Variants in ADRA1A observed in about 807,000 individuals in gnomAD.
ADRA1A encodes the protein adrenoceptor alpha 1A.
In ADRA1A, 31 loss-of-function variants were observed where a neutral mutation model predicts 29.6. The ratio of observed to expected loss-of-function variants is 1.05; its 90% CI spans 0.79 to 1.41. ADRA1A has a LOEUF of 1.41. Among genes scored for constraint, ADRA1A ranks in the 40% most tolerant of loss-of-function variants. The pLI is 0.00. For missense variants in ADRA1A, 619 were observed against 601.1 expected (o/e 1.03, Z -0.31); for synonymous variants, 311 against 254.3 (o/e 1.22, Z -2.12).
chr8:26,811,519 C>G (rs1173388070), intron 2 of ADRA1A, among the ~76,000 whole-genome samples: 3 of 152,202 alleles, frequency 2.0e-5, no homozygotes, highest in African/African-American at 7.2e-5. Flanking sequence ...TAAAGACAAA[C>G]TGGTATTTAC....
At chr8:26,811,076 TAGA>T (rs1809347544) in intron 2 of ADRA1A, among the ~76,000 whole-genome samples, 1 of 152,220 alleles carries the variant, frequency 6.6e-6, no homozygotes, top group Non-Finnish European at 1.5e-5. Flanking sequence ...CTAGCAAACA[TAGA>T]TGAACCTTGG....
chr8:26,817,596 T>G (rs1433688646), intron 2 of ADRA1A, among the ~76,000 whole-genome samples: 1 of 151,962 alleles, frequency 6.6e-6, no homozygotes, highest in Non-Finnish European at 1.5e-5. Flanking sequence ...CTGGGAAACA[T>G]GAAAAATGCT....
chr8:26,857,815 C>T (rs901830781), intron 2 of ADRA1A, among the ~76,000 whole-genome samples: 4 of 152,180 alleles, frequency 2.6e-5, no homozygotes, highest in Admixed American at 6.5e-5. Context: ...CTTGGGCATC[C>T]GCAGAGGGTT....
intron 2 of ADRA1A, among the ~76,000 whole-genome samples, chr8:26,862,740 A>G (rs1813576886): frequency 6.6e-6 from 1 of 152,254 alleles, no homozygotes; most frequent in Admixed American, 6.5e-5. Context: ...GAAATGACCT[A>G]TATCTCTGCT....
intron 2 of ADRA1A, among the ~76,000 whole-genome samples, chr8:26,814,598 G>C (rs1809639134): frequency 6.6e-6 from 1 of 152,054 alleles, no homozygotes; most frequent in Non-Finnish European, 1.5e-5. Context: ...TTTTACTTCT[G>C]TTAAATAATT....
intron 2 of ADRA1A, among the ~76,000 whole-genome samples, chr8:26,842,907 A>ACACC (rs1491148653): frequency 5.8e-5 from 8 of 137,832 alleles, no homozygotes; most frequent in Admixed American, 1.4e-4. Context: ...ACACACACAC[A>ACACC]CCACTCAAGG....
intron 2 of ADRA1A, chr8:26,836,176 G>T: frequency 4.1e-6 from 1 of 245,046 alleles, no homozygotes; most frequent in Admixed American, 4.1e-5. Flanking sequence ...TTGGGGAAGC[G>T]TCTGTCAAAA....
intron 2 of ADRA1A, among the ~76,000 whole-genome samples, chr8:26,813,165 C>T (rs1809532904): frequency 6.6e-6 from 1 of 152,030 alleles, no homozygotes; most frequent in African/African-American, 2.4e-5. Context: ...TTTTCAGTTA[C>T]AGTTTCAGAA....
At chr8:26,858,274 T>A (rs958086915) in intron 2 of ADRA1A, among the ~76,000 whole-genome samples, 1 of 152,210 alleles carries the variant, frequency 6.6e-6, no homozygotes, top group Non-Finnish European at 1.5e-5. Flanking sequence ...TCAGATAACA[T>A]ATCCAGAATT....
rs115533481 is a variant in ADRA1A, at chr8:26,815,956, T to A, written c.884-45290A>T. ...AAGCAAGGGAGGGGGCGTGTCCAGGTGCTGCTGGTTGCTTTATCATGAGCC... is the reference window on the plus strand; with the variant it reads ...AAGCAAGGGAGGGGGCGTGTCCAGGAGCTGCTGGTTGCTTTATCATGAGCC... On this transcript the variant is annotated intron_variant, in intron 2 of 2. Coordinates refer to ENST00000380573, the MANE Select transcript of ADRA1A (RefSeq NM_000680.4). The surrounding 1 kb of genome is among the most constrained non-coding windows in gnomAD (Gnocchi z 4.2). 8.2e-3 allele frequency among the ~76,000 whole-genome samples: 1,242 copies of A among 152,228 alleles called. 15 individuals are homozygous for A. The highest frequency in any genetic ancestry group is 0.028 in the African/African-American group (1,149 of 41,508).
intron 2 of ADRA1A, among the ~76,000 whole-genome samples, chr8:26,780,919 G>A (rs546749417): frequency 6.6e-6 from 1 of 152,328 alleles, no homozygotes; most frequent in Non-Finnish European, 1.5e-5. Context: ...CTGCCTAGTT[G>A]CAGGAAAACA....
Position 26,848,824 on chromosome 8 carries a change from A to T in ADRA1A, c.883+15263T>A, listed in dbSNP as rs1397859808. Reference sequence around the variant, plus strand: ...TGTGTAGGGATTCTGTTACTGTCTCACTGCACAGTTGTCTTCCTCTAACTG... The same window carrying T: ...TGTGTAGGGATTCTGTTACTGTCTCTCTGCACAGTTGTCTTCCTCTAACTG... On this transcript the variant is annotated intron_variant, in intron 2 of 2. Transcript: ENST00000380573. This position sits in a 1 kb window ranked among gnomAD's most constrained non-coding sequence, Gnocchi z 4.3. Among the ~76,000 whole-genome samples the T allele has an allele frequency of 6.6e-6, 1 of 152,186 alleles. No homozygotes were observed. Among genetic ancestry groups the T allele is most frequent in the Non-Finnish European group, 1.5e-5 (1 of 68,016 alleles).
In ADRA1A at chr8:26,848,529, C is replaced by T. The variant is rs1812382996; in HGVS notation, c.883+15558G>A. Among the ~76,000 whole-genome samples, 1 of 152,302 alleles carries T rather than the reference C, an allele frequency of 6.6e-6. No individual in the cohort carries two copies. The highest frequency in any genetic ancestry group is 1.5e-5 in the Non-Finnish European group (1 of 68,032). On this transcript the variant is annotated intron_variant, in intron 2 of 2. Coordinates refer to ENST00000380573, the MANE Select transcript of ADRA1A (RefSeq NM_000680.4). This position sits in a 1 kb window ranked among gnomAD's most constrained non-coding sequence, Gnocchi z 4.3. ...CTAGCAGGAGAACCCTCACCAAGAG[C>T]CTGACAATGCTAGAACCCTGATCTC...
chr8:26,782,706 A>G (rs1451191426), intron 2 of ADRA1A, among the ~76,000 whole-genome samples: 1 of 152,116 alleles, frequency 6.6e-6, no homozygotes, highest in Non-Finnish European at 1.5e-5. Flanking sequence ...TCTTTTCCCT[A>G]TGACTTGCAA....
Position 26,831,742 on chromosome 8 carries a change from T to C in ADRA1A, c.883+32345A>G, listed in dbSNP as rs972273981. ...TTCACTCGCAGGGAATGAAGGACCC[T>C]TTTGGGCCTTGGGGGGAACACGCTG... On this transcript the variant is annotated intron_variant, in intron 2 of 2. Transcript: ENST00000380573. The surrounding 1 kb of genome is among the most constrained non-coding windows in gnomAD (Gnocchi z 5.2). 6.6e-5 allele frequency among the ~76,000 whole-genome samples: 10 copies of C among 152,224 alleles called. No individual in the cohort carries two copies. The highest frequency in any genetic ancestry group is 1.3e-4 in the Admixed American group (2 of 15,286).
In ADRA1A at chr8:26,769,324, A is replaced by AG; in HGVS notation, c.*824dup. On this transcript the variant is annotated 3_prime_UTR_variant, in exon 3 of 3. Transcript: ENST00000380573. ...CTCTTGCTCTTTAAAGATATTAGAG[A>AG]GAAAGCCTATCATCATCTGATCTTG... 2.0e-6 allele frequency: 2 copies of AG among 985,394 alleles called. No individual in the cohort carries two copies. Among genetic ancestry groups the AG allele is most frequent in the African/African-American group, 3.5e-5 (2 of 57,358 alleles). 61.0% of individuals were successfully genotyped at this position (985,394 alleles called of 1,614,324 possible).
chr8:26,784,027 G>A (rs1655417984), intron 2 of ADRA1A, among the ~76,000 whole-genome samples: 1 of 151,994 alleles, frequency 6.6e-6, no homozygotes, highest in African/African-American at 2.4e-5. Context: ...CCTGTTTGGG[G>A]GGTGTGGTGA....
intron 2 of ADRA1A, among the ~76,000 whole-genome samples, chr8:26,783,486 T>C (rs1038346069): frequency 2.0e-5 from 3 of 152,240 alleles, no homozygotes; most frequent in African/African-American, 4.8e-5. Context: ...TATAAGGCAG[T>C]GTGTCCACTA....
chr8:26,847,945 G>C (rs758600303), intron 2 of ADRA1A, among the ~76,000 whole-genome samples: 1 of 152,192 alleles, frequency 6.6e-6, no homozygotes, highest in African/African-American at 2.4e-5. Context: ...TTATGTCTTG[G>C]ATTTCTGAGT....
Sources: allele counts gnomAD v4.1 joint callset (sites outside exome capture counted in the v4.1 genomes callset), GRCh38; gene constraint gnomAD v4.1.1; non-coding constraint Gnocchi (gnomAD v3.1); transcripts MANE v1.5; gene names NCBI Gene and HGNC (gene_info 2026-07-23, HGNC 2026-07-21).